Variants in BLTP2 observed in about 807,000 individuals in gnomAD.
BLTP2 encodes bridge-like lipid transfer protein family member 2.
At chr17:28,619,980 C>T in the BLTP2 span, 1 of 1,613,978 alleles carries the variant, frequency 6.2e-7, no homozygotes, top group South Asian at 1.1e-5. Context: ...AGATCTCAAG[C>T]TGGAACCTGA....
chr17:28,644,976 C>T, the BLTP2 span: 241 of 1,567,662 alleles, frequency 1.5e-4, no homozygotes, highest in Non-Finnish European at 2.3e-5. Flanking sequence ...CCGGCGCGGC[C>T]GGGAACCCTC....
chr17:28,625,607 T>C, the BLTP2 span, among the ~76,000 whole-genome samples: 8 of 152,280 alleles, frequency 5.3e-5, no homozygotes, highest in African/African-American at 1.9e-4. Context: ...ATATTACTGT[T>C]ACCATCATGC....
the BLTP2 span, chr17:28,620,562 T>C: frequency 6.2e-7 from 1 of 1,614,198 alleles, no homozygotes; most frequent in Non-Finnish European, 8.5e-7. Context: ...TCCAGGATCA[T>C]GGCATACTGA....
At chr17:28,629,986 T>C in the BLTP2 span, among the ~76,000 whole-genome samples, 1 of 152,116 alleles carries the variant, frequency 6.6e-6, no homozygotes, top group Non-Finnish European at 1.5e-5. Flanking sequence ...CTCAGCCTCC[T>C]AAATAGCTAG....
chr17:28,644,152 T>A, the BLTP2 span: 3 of 1,614,212 alleles, frequency 1.9e-6, no homozygotes, highest in Non-Finnish European at 2.5e-6. Flanking sequence ...CAGCTTCCGC[T>A]GACACCACTT....
At chr17:28,632,781 C>T in the BLTP2 span, among the ~76,000 whole-genome samples, 1 of 152,210 alleles carries the variant, frequency 6.6e-6, no homozygotes, top group East Asian at 1.9e-4. Context: ...AAGACACCAA[C>T]CCTTTCCCCT....
chr17:28,634,620 T>C, the BLTP2 span: 2 of 1,614,224 alleles, frequency 1.2e-6, no homozygotes, highest in Non-Finnish European at 8.5e-7. Context: ...CTTGAACCTG[T>C]TCTACCACAT....
At chr17:28,644,043 T>C in the BLTP2 span, 15 of 1,613,574 alleles carry the variant, frequency 9.3e-6, no homozygotes, top group Admixed American at 3.3e-5. Context: ...ATATCCAGAG[T>C]TTCCCAGAAC....
chr17:28,642,788 C>T, the BLTP2 span: 1 of 788,990 alleles, frequency 1.3e-6, no homozygotes, highest in Non-Finnish European at 2.2e-6. Context: ...AGAATGAGAA[C>T]TTAACACCTT....
the BLTP2 span, chr17:28,639,501 T>G: frequency 1.9e-6 from 3 of 1,613,518 alleles, no homozygotes; most frequent in Admixed American, 1.7e-5. Flanking sequence ...GGGTTTTATT[T>G]CACAAACTCA....
At chr17:28,635,280 G>A in the BLTP2 span, 1 of 1,614,104 alleles carries the variant, frequency 6.2e-7, no homozygotes, top group African/African-American at 1.3e-5. Context: ...GCTCTGGACA[G>A]TATGCCTGCA....
the BLTP2 span, among the ~76,000 whole-genome samples, chr17:28,630,314 A>G: frequency 1.3e-5 from 2 of 150,430 alleles, no homozygotes; most frequent in Non-Finnish European, 3.0e-5. Flanking sequence ...ATGCCACCAC[A>G]CCCAGATAAT....
At chr17:28,638,460 C>T in the BLTP2 span, 1 of 1,603,158 alleles carries the variant, frequency 6.2e-7, no homozygotes. Context: ...CCACTGTGGC[C>T]ATCAATTGGG....
At chr17:28,628,435 T>C in the BLTP2 span, 1 of 1,614,174 alleles carries the variant, frequency 6.2e-7, no homozygotes, top group Non-Finnish European at 8.5e-7. Context: ...TACAGCTGCC[T>C]TTTTGTACCC....
At chr17:28,643,690 C>T in the BLTP2 span, 1 of 1,608,648 alleles carries the variant, frequency 6.2e-7, no homozygotes, top group East Asian at 2.2e-5. Context: ...GCTCTGTGTG[C>T]TAGCTGCTAA....
chr17:28,615,349 G>A, the BLTP2 span: 1 of 969,580 alleles, frequency 1.0e-6, no homozygotes, highest in Non-Finnish European at 1.5e-6. Context: ...CACATCCAAG[G>A]CACAATGGGG....
At chr17:28,644,875 C>T in the BLTP2 span, 1 of 868,618 alleles carries the variant, frequency 1.2e-6, no homozygotes, top group Non-Finnish European at 1.8e-6. Flanking sequence ...ACCCTACCCA[C>T]TCTGCCTCAC....
chr17:28,620,044 G>C, the BLTP2 span: 2 of 1,586,750 alleles, frequency 1.3e-6, no homozygotes, highest in Non-Finnish European at 1.7e-6. Context: ...AAATGAATAT[G>C]ATTTTTAAGT....
chr17:28,633,734 T>C, the BLTP2 span: 2 of 1,613,712 alleles, frequency 1.2e-6, no homozygotes, highest in Non-Finnish European at 1.7e-6. Context: ...CACACCACTG[T>C]GTACTGGAAT....
Sources: allele counts gnomAD v4.1 joint callset (sites outside exome capture counted in the v4.1 genomes callset), GRCh38; gene constraint gnomAD v4.1.1; transcripts MANE v1.5; gene names NCBI Gene and HGNC (gene_info 2026-07-23, HGNC 2026-07-21).